TBL1X: variants seen among roughly 807,000 people sequenced by gnomAD.
TBL1X encodes the protein transducin beta like 1 X-linked.
A neutral mutation model predicts 50.7 loss-of-function variants in TBL1X; 10 were observed. That is an observed-to-expected ratio of 0.20 (90% CI 0.12 to 0.33). TBL1X has a LOEUF of 0.33. Ranked by LOEUF, TBL1X falls within the 10% of genes least tolerant of loss-of-function variation. The pLI is 1.00. For missense variants in TBL1X, 340 were observed against 504.4 expected (o/e 0.67, Z 3.12); for synonymous variants, 190 against 214.7 (o/e 0.88, Z 1.01).
At chrX:9,668,560 C>G (rs1256829761) in intron 5 of TBL1X, among the ~76,000 whole-genome samples, 1 of 112,073 alleles carries the variant, frequency 8.9e-6, no homozygotes, top group Admixed American at 9.5e-5. Context: ...TTTTTCTCTA[C>G]CTGATTTCTG....
At chrX:9,482,972 C>G (rs2081891110) in intron 1 of TBL1X, among the ~76,000 whole-genome samples, 2 of 111,297 alleles carry the variant, frequency 1.8e-5, no homozygotes, top group African/African-American at 6.5e-5. Context: ...GGTCTTTATG[C>G]AGCCGGCAGG....
chrX:9,546,331 A>G (rs775424891), intron 2 of TBL1X, among the ~76,000 whole-genome samples: 45 of 111,733 alleles, frequency 4.0e-4, no homozygotes, highest in African/African-American at 1.2e-3. Context: ...TGGCTAACAC[A>G]GTGAAACCCC....
At chrX:9,590,961 C>T (rs764932899) in intron 2 of TBL1X, among the ~76,000 whole-genome samples, 2 of 100,440 alleles carry the variant, frequency 2.0e-5, no homozygotes, top group South Asian at 5.1e-4. Context: ...GAGGGCTATG[C>T]CCAAATCGTT....
intron 5 of TBL1X, among the ~76,000 whole-genome samples, chrX:9,677,006 C>T (rs1367949686): frequency 2.7e-5 from 3 of 111,679 alleles, no homozygotes; most frequent in Non-Finnish European, 3.8e-5. Context: ...AATTCCCTCG[C>T]CTTTTCTGTT....
chrX:9,702,906 A>C, intron 12 of TBL1X, among the ~76,000 whole-genome samples: 1 of 111,555 alleles, frequency 9.0e-6, no homozygotes, highest in East Asian at 2.8e-4. Context: ...AGCTAAAAGT[A>C]ATTTCCATGG....
intron 3 of TBL1X, among the ~76,000 whole-genome samples, chrX:9,653,203 G>A (rs1185650930): frequency 8.9e-6 from 1 of 112,957 alleles, no homozygotes; most frequent in Non-Finnish European, 1.9e-5. Context: ...CATCATTGAC[G>A]TTAGTTGCAG....
intron 1 of TBL1X, among the ~76,000 whole-genome samples, chrX:9,478,470 A>C (rs772514037): frequency 1.3e-4 from 14 of 111,884 alleles, no homozygotes; most frequent in Non-Finnish European, 2.4e-4. Flanking sequence ...AAGCTAACCC[A>C]TCCCCCATCT....
chrX:9,564,375 G>C (rs1156618509), intron 2 of TBL1X, among the ~76,000 whole-genome samples: 1 of 111,699 alleles, frequency 9.0e-6, no homozygotes, highest in Admixed American at 9.5e-5. Flanking sequence ...GAGGCAGAAG[G>C]AATTCTCAAA....
chrX:9,562,557 T>C (rs1191968417), intron 2 of TBL1X, among the ~76,000 whole-genome samples: 2 of 111,680 alleles, frequency 1.8e-5, no homozygotes, highest in Admixed American at 1.9e-4. Flanking sequence ...GGCTCATACT[T>C]TTACCCTGAA....
At chrX:9,655,794 G>A (rs1338300674) in intron 5 of TBL1X, among the ~76,000 whole-genome samples, 2 of 112,163 alleles carry the variant, frequency 1.8e-5, no homozygotes, top group Non-Finnish European at 3.8e-5. Flanking sequence ...GCCTGGTAGG[G>A]TAGACTGTAC....
At chrX:9,509,714 G>C (rs1197626408) in intron 2 of TBL1X, among the ~76,000 whole-genome samples, 2 of 109,257 alleles carry the variant, frequency 1.8e-5, no homozygotes, top group African/African-American at 6.7e-5. Context: ...TCGAACTCCT[G>C]GGCTCACGCG....
Position 9,627,283 on chromosome X carries a change from C to T in TBL1X, c.-130-12990C>T, listed in dbSNP as rs144059809. Among the ~76,000 whole-genome samples, 397 of 111,661 alleles carry T rather than the reference C, an allele frequency of 3.6e-3. 3 individuals are homozygous for T. The highest frequency in any genetic ancestry group is 0.012 in the African/African-American group (365 of 30,692). ...CCACCTACTTGGTCTTCATGGAGCT[C>T]GGTCTCCTCATCTATAAATAATATA... On this transcript the variant is annotated intron_variant, in intron 2 of 17. Transcript: ENST00000645353.
chrX:9,545,548 A>G (rs771783545), intron 2 of TBL1X, among the ~76,000 whole-genome samples: 7 of 102,479 alleles, frequency 6.8e-5, no homozygotes, highest in African/African-American at 2.5e-4. Context: ...CCATCTCAAG[A>G]AAAAAAAAAA....
chrX:9,464,519 G>C (rs1257064636), upstream of TBL1X, among the ~76,000 whole-genome samples: 1 of 111,180 alleles, frequency 9.0e-6, no homozygotes, highest in Non-Finnish European at 1.9e-5. Context: ...TCACCATCGG[G>C]CAGGTGGCAG....
At chrX:9,527,164 G>GGGCTCTCGGT (rs2082136898) in intron 2 of TBL1X, among the ~76,000 whole-genome samples, 1 of 112,228 alleles carries the variant, frequency 8.9e-6, no homozygotes, top group Admixed American at 9.4e-5. Context: ...CGTTGGTGTA[G>GGGCTCTCGGT]GGTGGGCCGA....
chrX:9,614,505 G>A (rs1036200828), intron 2 of TBL1X, among the ~76,000 whole-genome samples: 3 of 111,256 alleles, frequency 2.7e-5, no homozygotes, highest in East Asian at 2.8e-4. Flanking sequence ...AGGCTGCAGC[G>A]AGCCAGGATC....
chrX:9,501,686 A>G (rs1170270994), intron 1 of TBL1X, 94 bp from the exon 2 acceptor site: 1 of 111,762 alleles, frequency 8.9e-6, no homozygotes, highest in African/African-American at 3.2e-5. Flanking sequence ...TGTTTTTAGC[A>G]CAACAAAATG....
At chrX:9,524,974 ACTC>A (rs2082125099) in intron 2 of TBL1X, among the ~76,000 whole-genome samples, 1 of 109,982 alleles carries the variant, frequency 9.1e-6, no homozygotes, top group African/African-American at 3.3e-5. Flanking sequence ...TTGGTCTTGA[ACTC>A]CTGGGCTCCA....
At chrX:9,708,433 C>T (rs970517071) in intron 13 of TBL1X, among the ~76,000 whole-genome samples, 5 of 111,865 alleles carry the variant, frequency 4.5e-5, no homozygotes, top group Non-Finnish European at 7.5e-5. Context: ...GCATTTGGGT[C>T]GCCCATCTTC....
Sources: gnomAD v4.1 joint callset for allele counts (sites outside exome capture counted in the v4.1 genomes callset) on GRCh38, gnomAD v4.1.1 for gene constraint, MANE v1.5 for transcripts, NCBI Gene and HGNC (gene_info 2026-07-23, HGNC 2026-07-21) for gene names.